Variants in NT5DC1 observed in about 807,000 individuals in gnomAD.
NT5DC1 encodes the protein 5'-nucleotidase domain containing 1, also known as 5'-nucleotidase domain-containing protein 1.
In NT5DC1, 42 loss-of-function variants were observed where a neutral mutation model predicts 59.4. That is an observed-to-expected ratio of 0.71 (90% CI 0.55 to 0.92). The LOEUF is 0.92. Ranked by LOEUF, NT5DC1 falls within the 40% of genes least tolerant of loss-of-function variation. NT5DC1 has a pLI of 0.00. For missense variants in NT5DC1, 501 were observed against 537.1 expected (o/e 0.93, Z 0.66); for synonymous variants, 172 against 188.1 (o/e 0.91, Z 0.70).
At chr6:116,170,292 G>T (rs62414136) in intron 6 of NT5DC1, among the ~76,000 whole-genome samples, 10,264 of 152,074 alleles carry the variant, frequency 0.067, 534 homozygotes, top group Admixed American at 0.16. Flanking sequence ...AGATAATTGT[G>T]GTGTATATAT....
intron 5 of NT5DC1, among the ~76,000 whole-genome samples, chr6:116,117,405 A>G (rs1375895654): frequency 6.6e-6 from 1 of 152,214 alleles, no homozygotes; most frequent in African/African-American, 2.4e-5. Flanking sequence ...ATAAACTTAT[A>G]TCAGAATATA....
intron 6 of NT5DC1, among the ~76,000 whole-genome samples, chr6:116,122,733 T>G (rs1385979955): frequency 6.6e-6 from 1 of 152,168 alleles, no homozygotes; most frequent in African/African-American, 2.4e-5. Context: ...TTTCTGAGAT[T>G]TGGAAAACAT....
chr6:116,228,772 G>GCTGATT (rs774413496), intron 8 of NT5DC1, among the ~76,000 whole-genome samples: 5 of 152,136 alleles, frequency 3.3e-5, no homozygotes, highest in Non-Finnish European at 7.4e-5. Flanking sequence ...CTATTCTGCT[G>GCTGATT]CTGATTCTGA....
At chr6:116,165,766 G>A (rs1476239195) in intron 6 of NT5DC1, among the ~76,000 whole-genome samples, 2 of 152,232 alleles carry the variant, frequency 1.3e-5, no homozygotes, top group Non-Finnish European at 1.5e-5. Context: ...AGGGCTGAAT[G>A]TCTGGAAATC....
chr6:116,209,510 G>C (rs1582874696), intron 6 of NT5DC1, among the ~76,000 whole-genome samples: 1 of 152,146 alleles, frequency 6.6e-6, no homozygotes, highest in East Asian at 1.9e-4. Flanking sequence ...CTTATTACAA[G>C]TGTTGATTAT....
chr6:116,179,543 C>T (rs866553986), intron 6 of NT5DC1, among the ~76,000 whole-genome samples: 1 of 152,098 alleles, frequency 6.6e-6, no homozygotes, highest in Non-Finnish European at 1.5e-5. Context: ...AAATGCTCAA[C>T]GTCACTAATG....
rs1241054142 is a variant in NT5DC1 at position 116,237,083 on chromosome 6, A to G, written c.920A>G (p.Lys307Arg). The G allele has an allele frequency of 1.3e-6, 2 of 1,585,780 alleles. No homozygotes were observed. Among genetic ancestry groups the G allele is most frequent in the Non-Finnish European group, 1.7e-6 (2 of 1,154,240 alleles). The change falls in exon 9 of 12, where the codon AAG (lysine) becomes AGG (arginine). Residue 307 changes from lysine (K) to arginine (R), a missense_variant and splice_region_variant. Lys to Arg is a conservative substitution (Grantham distance 26). Transcript: ENST00000319550. The stretch of plus-strand genomic sequence containing the variant: ...AAAATGACTGGCAAACCTGAACCCA[A>G]GGTATTTCCCAGTTGAGGAGAAGTC... ...LKKMTGKPEP[K>R]VVYFGDSMHS...
At chr6:116,167,820 A>G (rs1392115340) in intron 6 of NT5DC1, among the ~76,000 whole-genome samples, 4 of 152,160 alleles carry the variant, frequency 2.6e-5, no homozygotes, top group African/African-American at 4.8e-5. Context: ...AATGAAGTGT[A>G]ACATTAGAGC....
intron 6 of NT5DC1, among the ~76,000 whole-genome samples, chr6:116,153,818 G>A (rs1409548710): frequency 6.6e-6 from 1 of 152,030 alleles, no homozygotes; most frequent in East Asian, 1.9e-4. Flanking sequence ...ACTGAGTATT[G>A]TTTCCTTACC....
chr6:116,236,525 G>A (rs1010567157), intron 8 of NT5DC1, among the ~76,000 whole-genome samples: 10 of 152,172 alleles, frequency 6.6e-5, no homozygotes, highest in African/African-American at 2.4e-4. Flanking sequence ...CACCAAGGGT[G>A]CAAAATTTAC....
intron 6 of NT5DC1, among the ~76,000 whole-genome samples, chr6:116,143,922 G>A (rs1416770379): frequency 2.6e-5 from 4 of 152,066 alleles, no homozygotes; most frequent in Non-Finnish European, 5.9e-5. Flanking sequence ...CAAAATATTT[G>A]TAATGCTTTA....
intron 6 of NT5DC1, among the ~76,000 whole-genome samples, chr6:116,170,297 A>G (rs1196498799): frequency 1.3e-5 from 2 of 152,114 alleles, no homozygotes; most frequent in Non-Finnish European, 2.9e-5. Flanking sequence ...ATTGTGGTGT[A>G]TATATGTACT....
chr6:116,168,635 G>A (rs2114446043), intron 6 of NT5DC1, among the ~76,000 whole-genome samples: 1 of 151,460 alleles, frequency 6.6e-6, no homozygotes. Flanking sequence ...TTGATTGTTT[G>A]TTTTGTTTTT....
chr6:116,165,447 T>C (rs1780442018), intron 6 of NT5DC1, among the ~76,000 whole-genome samples: 1 of 152,198 alleles, frequency 6.6e-6, no homozygotes, highest in Non-Finnish European at 1.5e-5. Context: ...GCTTACTTTT[T>C]CTTCTTCTTT....
chr6:116,120,289 A>G, intron 6 of NT5DC1: 2 of 1,614,220 alleles, frequency 1.2e-6, no homozygotes, highest in Non-Finnish European at 1.7e-6. Context: ...CTACCCAAAC[A>G]TGAGTCCCTT....
chr6:116,124,702 A>G (rs1304435239), intron 6 of NT5DC1, among the ~76,000 whole-genome samples: 1 of 152,218 alleles, frequency 6.6e-6, no homozygotes, highest in Non-Finnish European at 1.5e-5. Context: ...TGGGAGGACA[A>G]GTAACTTACC....
intron 6 of NT5DC1, among the ~76,000 whole-genome samples, chr6:116,178,100 C>T (rs1474809): frequency 0.2 from 20,699 of 102,848 alleles, 1,784 homozygotes; most frequent in African/African-American, 0.31. Context: ...CGCGCGCGCG[C>T]GCGTGCGTGC....
chr6:116,219,731 G>A lies in NT5DC1; in HGVS notation c.530-1323G>A, dbSNP rs1291535893. Among the ~76,000 whole-genome samples the A allele has an allele frequency of 5.3e-5, 8 of 152,002 alleles. 1 individual carries two copies. Among genetic ancestry groups the A allele is most frequent in the Admixed American group, 5.2e-4 (8 of 15,276 alleles). Reference sequence around the variant, plus strand: ...CAGCACTTTGGGAGGCAGAGTGGGCGGATTGTGAGGTCAAGAGATCAAGAC... The same window carrying A: ...CAGCACTTTGGGAGGCAGAGTGGGCAGATTGTGAGGTCAAGAGATCAAGAC... On this transcript the variant is annotated intron_variant, in intron 6 of 11. Coordinates refer to ENST00000319550, the MANE Select transcript of NT5DC1 (RefSeq NM_152729.3).
At position 116,213,272 on chromosome 6, in the gene NT5DC1, A is replaced by C. The variant is rs114345659; in HGVS notation, c.530-7782A>C. ...GGGCTGGATGTCCAAGGGGCTCACT[A>C]TGTCTTGCAGTTGAAGCTTTTAGCT... On this transcript the variant is annotated intron_variant, in intron 6 of 11. Transcript: ENST00000319550. Among the ~76,000 whole-genome samples the C allele has an allele frequency of 4.5e-3, 679 of 152,144 alleles. 4 individuals carry two copies. Among genetic ancestry groups the C allele is most frequent in the African/African-American group, 0.015 (641 of 41,528 alleles).
Sources: allele counts gnomAD v4.1 joint callset (sites outside exome capture counted in the v4.1 genomes callset), GRCh38; gene constraint gnomAD v4.1.1; transcripts MANE v1.5; gene names NCBI Gene and HGNC (gene_info 2026-07-23, HGNC 2026-07-21).